The following SCYL3 variants were observed in gnomAD, a reference collection of about 807,000 sequenced individuals.
SCYL3 encodes the protein protein-associating with the carboxyl-terminal domain of ezrin.
In SCYL3, 35 loss-of-function variants were observed where a neutral mutation model predicts 73.8. The observed-to-expected ratio is 0.47, with a 90% CI of 0.36 to 0.63. The LOEUF is 0.63. SCYL3 is among the 20% of genes least tolerant of loss of function. The probability of loss-of-function intolerance (pLI) is 0.00; values close to 1 mark genes in which losing one functional copy is unlikely to be tolerated. For missense variants in SCYL3, 712 were observed against 798.9 expected, an observed-to-expected ratio of 0.89 and a Z score of 1.31; for synonymous variants, 277 against 295.2, an observed-to-expected ratio of 0.94 and a Z score of 0.63.
At position 169,853,219 on chromosome 1, in the gene SCYL3, C is replaced by T. The variant is rs954727419; in HGVS notation, c.*494G>A. ...GCCTAGGTCCACAAAGAACCATTTACTCAGATAGTCTAACTGTAAACAAAT... is the reference window on the plus strand; with the variant it reads ...GCCTAGGTCCACAAAGAACCATTTATTCAGATAGTCTAACTGTAAACAAAT... On this transcript the variant is annotated 3_prime_UTR_variant, in exon 13 of 13. Coordinates refer to ENST00000367771, the MANE Select transcript of SCYL3 (RefSeq NM_020423.7). The T allele has an allele frequency of 1.5e-5, 8 of 535,336 alleles. No homozygotes were observed. The highest frequency in any genetic ancestry group is 3.3e-5 in the Admixed American group (1 of 30,118). 33.2% of individuals were successfully genotyped at this position (535,336 alleles called of 1,614,324 possible). A position where few individuals can be genotyped will look rare whatever the true frequency, so the allele number is the denominator to read the frequency against.
chr1:169,869,417 G>A (rs1209750363), intron 6 of SCYL3, among the ~76,000 whole-genome samples: 2 of 152,252 alleles, frequency 1.3e-5, no homozygotes, highest in African/African-American at 4.8e-5. Context: ...TCCAAGGATA[G>A]TAAATAATTG....
intron 11 of SCYL3, among the ~76,000 whole-genome samples, chr1:169,857,948 A>G (rs1445983302): frequency 6.6e-6 from 1 of 152,222 alleles, no homozygotes; most frequent in Non-Finnish European, 1.5e-5. Context: ...ATAATGATAC[A>G]TGGTATACCT....
Position 169,851,045 on chromosome 1 carries a change from C to CTTTTTTT in SCYL3, c.*2661_*2667dup, listed in dbSNP as rs58984684. On this transcript the variant is annotated 3_prime_UTR_variant, in exon 13 of 13. Coordinates refer to ENST00000367771, the MANE Select transcript of SCYL3 (RefSeq NM_020423.7). ...CCCAAGCCAGGGTAAGCTCAGGGCC[C>CTTTTTTT]TTTTTTTTTTTTTTTTTTTTTTTTT... The CTTTTTTT allele has an allele frequency of 4.6e-4, 8 of 17,310 alleles. No homozygotes were observed. Among genetic ancestry groups the CTTTTTTT allele is most frequent in the Admixed American group, 2.1e-3 (2 of 970 alleles). 1.1% of individuals were successfully genotyped at this position (17,310 alleles called of 1,614,324 possible).
intron 4 of SCYL3, among the ~76,000 whole-genome samples, chr1:169,874,586 C>A (rs1176405451): frequency 2.0e-5 from 3 of 152,132 alleles, no homozygotes; most frequent in African/African-American, 4.8e-5. Flanking sequence ...TGTGGGAACA[C>A]AGCTGAACTG....
chr1:169,858,041 TG>T (rs758504194), intron 11 of SCYL3, among the ~76,000 whole-genome samples: 12 of 152,222 alleles, frequency 7.9e-5, no homozygotes, highest in Non-Finnish European at 1.6e-4. Flanking sequence ...AGGATATTAC[TG>T]TACACTACCA....
At chr1:169,886,911 A>G (rs922054436) in intron 2 of SCYL3, among the ~76,000 whole-genome samples, 2 of 152,210 alleles carry the variant, frequency 1.3e-5, no homozygotes, top group Admixed American at 6.5e-5. Context: ...AAAACACTAT[A>G]TATCTGCTTG....
chr1:169,880,431 G>A (rs1661161626), intron 2 of SCYL3, among the ~76,000 whole-genome samples: 1 of 141,640 alleles, frequency 7.1e-6, no homozygotes, highest in African/African-American at 2.5e-5. Flanking sequence ...TTACATGGAG[G>A]AGAATGATGA....
chr1:169,881,501 C>A (rs935492497), intron 2 of SCYL3, among the ~76,000 whole-genome samples: 2 of 152,214 alleles, frequency 1.3e-5, no homozygotes, highest in Non-Finnish European at 2.9e-5. Flanking sequence ...AGTCATCCTA[C>A]TGACCTATCA....
rs1657982739 is a variant in SCYL3, at chr1:169,850,456, C to T, written c.*3257G>A. 1.9e-5 allele frequency: 14 copies of T among 727,402 alleles called. No homozygotes were observed. The South Asian group carries it at 2.4e-4, about 12-fold the overall frequency. 45.1% of individuals were successfully genotyped at this position (727,402 alleles called of 1,614,324 possible). On this transcript the variant is annotated 3_prime_UTR_variant, in exon 13 of 13. Transcript: ENST00000367771. Reference sequence around the variant, plus strand: ...TTCTTAGCTTAAACTTTTCACAGTGCTGAGCACAGTGCTGACGACTTTTAC... The same window carrying T: ...TTCTTAGCTTAAACTTTTCACAGTGTTGAGCACAGTGCTGACGACTTTTAC...
Position 169,854,129 on chromosome 1 carries a change from A to G in SCYL3, c.2007+141T>C, listed in dbSNP as rs556932252. 23 of 668,592 alleles carry G rather than the reference A, an allele frequency of 3.4e-5. No individual in the cohort carries two copies. In the African/African-American group the frequency reaches 4.4e-4, roughly 13 times the overall value. 41.4% of individuals were successfully genotyped at this position (668,592 alleles called of 1,614,324 possible). On this transcript the variant is annotated intron_variant, in intron 12 of 12. Transcript: ENST00000367771. ...GGGGAAGGAAAGATAGATACCAATG[A>G]TAGAAACTGATTTTGTTAATTTTGT...
At chr1:169,892,584 A>G (rs1032157879) in intron 1 of SCYL3, among the ~76,000 whole-genome samples, 2 of 152,240 alleles carry the variant, frequency 1.3e-5, no homozygotes, top group Admixed American at 6.5e-5. Flanking sequence ...AGAAAAGGAT[A>G]TCCTAGTATC....
chr1:169,884,580 G>A (rs960829359), intron 2 of SCYL3, among the ~76,000 whole-genome samples: 4 of 152,234 alleles, frequency 2.6e-5, no homozygotes, highest in South Asian at 2.1e-4. Flanking sequence ...TTATAGGCAT[G>A]AGCCACCTTG....
At chr1:169,857,459 CA>C (rs1359690337) in intron 11 of SCYL3, among the ~76,000 whole-genome samples, 1 of 152,156 alleles carries the variant, frequency 6.6e-6, no homozygotes, top group Non-Finnish European at 1.5e-5. Flanking sequence ...GTTAAATCTG[CA>C]GGTGCAAACC....
intron 1 of SCYL3, among the ~76,000 whole-genome samples, chr1:169,892,448 T>C (rs1403850277): frequency 6.6e-6 from 1 of 152,186 alleles, no homozygotes; most frequent in Non-Finnish European, 1.5e-5. Context: ...ATAATTCAGC[T>C]AAAATTGATT....
rs1658106313 is a variant in SCYL3 at position 169,850,957 on chromosome 1, T to A, written c.*2756A>T. The A allele has an allele frequency of 7.1e-6, 1 of 140,478 alleles. No homozygotes were observed. The highest frequency in any genetic ancestry group is 2.6e-5 in the African/African-American group (1 of 37,804). The allele number at this position is 140,478 out of a possible 1,614,324, so 8.7% of individuals were successfully genotyped here. Reference sequence around the variant, plus strand: ...GCCTGAGAGGATGTTTACTACCATATTTTGGGTATAATTTAGGCATGGCTT... The same window carrying A: ...GCCTGAGAGGATGTTTACTACCATAATTTGGGTATAATTTAGGCATGGCTT... On this transcript the variant is annotated 3_prime_UTR_variant, in exon 13 of 13. Transcript: ENST00000367771.
chr1:169,853,713 T>G lies in SCYL3; in HGVS notation c.2067A>C (p.Ter689CysextTer2). Residue 689 changes from the stop codon to cysteine, a stop_lost, in exon 13 of 13, where the codon TGA becomes TGC. Transcript: ENST00000367771. ...CCTAAAGTTTAACTCACATCTATTGTCACCAGTTATTATCTTCCCAGTTCA... is the reference window on the plus strand; with the variant it reads ...CCTAAAGTTTAACTCACATCTATTGGCACCAGTTATTATCTTCCCAGTTCA... Reference protein sequence around the residue: ...GELNWEDNNW* With the variant: ...GELNWEDNNWC The G allele has an allele frequency of 6.2e-7, 1 of 1,613,662 alleles. No homozygotes were observed. Among genetic ancestry groups the G allele is most frequent in the Non-Finnish European group, 8.5e-7 (1 of 1,179,770 alleles).
intron 1 of SCYL3, among the ~76,000 whole-genome samples, chr1:169,892,863 C>T (rs1049652812): frequency 3.3e-5 from 5 of 152,182 alleles, no homozygotes; most frequent in African/African-American, 9.7e-5. Context: ...AGCAATTACT[C>T]GAGACTACCT....
At chr1:169,863,585 A>AT (rs1356784689) in intron 9 of SCYL3, among the ~76,000 whole-genome samples, 11 of 152,208 alleles carry the variant, frequency 7.2e-5, no homozygotes, top group African/African-American at 1.9e-4. Flanking sequence ...AAAAATATGT[A>AT]TACCTATGTC....
At chr1:169,866,736 T>C (rs148232306) in intron 8 of SCYL3, among the ~76,000 whole-genome samples, 160 bp downstream of exon 8, 168 of 152,340 alleles carry the variant, frequency 1.1e-3, no homozygotes, top group African/African-American at 4.0e-3. Context: ...ACCAGAAATA[T>C]CTACCCCACC....
Sources: allele counts gnomAD v4.1 joint callset (sites outside exome capture counted in the v4.1 genomes callset), GRCh38; gene constraint gnomAD v4.1.1; transcripts MANE v1.5; gene names NCBI Gene and HGNC (gene_info 2026-07-23, HGNC 2026-07-21).